The following SDK1 variants were observed in gnomAD, a reference collection of about 807,000 sequenced individuals.
The protein encoded by SDK1 is sidekick cell adhesion molecule 1.
Under a neutral mutation model 245.5 loss-of-function variants are expected in SDK1, and 157 were observed. The ratio of observed to expected loss-of-function variants is 0.64; its 90% CI spans 0.56 to 0.73. SDK1 has a LOEUF of 0.73. SDK1 is among the 30% of genes least tolerant of loss of function. The pLI, the probability that SDK1 is intolerant of heterozygous loss-of-function variation, is 0.00. For synonymous variants in SDK1, 1,647 were observed against 1,278.5 expected (o/e 1.29, Z -6.15); for missense variants, 3,583 against 3,002.3 (o/e 1.19, Z -4.52).
At chr7:4,198,882 C>T (rs571377932) in intron 35 of SDK1, among the ~76,000 whole-genome samples, 48 of 150,752 alleles carry the variant, frequency 3.2e-4, no homozygotes, top group Non-Finnish European at 4.9e-4. Flanking sequence ...GGCGTGATCT[C>T]GGCTCACTGC....
chr7:4,160,372 T>C (rs1781037938), intron 31 of SDK1, among the ~76,000 whole-genome samples: 2 of 152,132 alleles, frequency 1.3e-5, no homozygotes, highest in African/African-American at 4.8e-5. Flanking sequence ...AGGACCATTT[T>C]TGAAAAAAAT....
rs759940241 is a variant in SDK1 at position 3,330,706 on chromosome 7, C to T, written c.298+28822C>T. Among the ~76,000 whole-genome samples, 72 of 151,210 alleles carry T rather than the reference C, an allele frequency of 4.8e-4. No homozygotes were observed. The Admixed American group carries it at 4.8e-3, about 10-fold the overall frequency. On this transcript the variant is annotated intron_variant, in intron 1 of 44. Transcript: ENST00000404826. ...CCCAGTCTAGGGCTAGGCACGGTGACTCATGCCTGCAATCTCAACACTTTG... is the reference window on the plus strand; with the variant it reads ...CCCAGTCTAGGGCTAGGCACGGTGATTCATGCCTGCAATCTCAACACTTTG...
chr7:4,030,462 G>A (rs1030285585), intron 17 of SDK1, among the ~76,000 whole-genome samples: 2 of 152,188 alleles, frequency 1.3e-5, no homozygotes, highest in East Asian at 3.9e-4. Flanking sequence ...AGTTTTGCTG[G>A]TGGCAGTTGA....
intron 4 of SDK1, among the ~76,000 whole-genome samples, chr7:3,726,699 C>T (rs1035123631): frequency 6.6e-6 from 1 of 152,196 alleles, no homozygotes; most frequent in Non-Finnish European, 1.5e-5. Flanking sequence ...TGTGTTCTCT[C>T]ATATAATCGG....
chr7:4,109,181 C>CT (rs1310560271), intron 22 of SDK1, among the ~76,000 whole-genome samples: 1 of 152,140 alleles, frequency 6.6e-6, no homozygotes, highest in African/African-American at 2.4e-5. Context: ...GGGTCAGTGG[C>CT]TGGGGGCGGA....
intron 39 of SDK1, among the ~76,000 whole-genome samples, 191 bp downstream of exon 39, chr7:4,220,461 A>T (rs1785085110): frequency 6.6e-6 from 1 of 150,952 alleles, no homozygotes; most frequent in Non-Finnish European, 1.5e-5. Context: ...TTGCAGGTGG[A>T]CTTGTTACAT....
chr7:3,399,459 G>C (rs1778822326), intron 1 of SDK1, among the ~76,000 whole-genome samples: 1 of 152,016 alleles, frequency 6.6e-6, no homozygotes, highest in African/African-American at 2.4e-5. Flanking sequence ...TCCTTTTCCT[G>C]TGTATGGTCT....
chr7:3,590,886 G>C (rs539329188), intron 1 of SDK1, among the ~76,000 whole-genome samples: 9 of 150,834 alleles, frequency 6.0e-5, no homozygotes, highest in African/African-American at 1.9e-4. Context: ...AGGCTCAAGC[G>C]ATCCTCCTGC....
chr7:3,613,300 C>G (rs1239220598), intron 1 of SDK1, among the ~76,000 whole-genome samples: 1 of 152,100 alleles, frequency 6.6e-6, no homozygotes, highest in Non-Finnish European at 1.5e-5. Context: ...GTCATGGTCC[C>G]TTTCTAGATG....
chr7:3,427,317 G>A (rs955925490), intron 1 of SDK1, among the ~76,000 whole-genome samples: 2 of 152,058 alleles, frequency 1.3e-5, no homozygotes, highest in Admixed American at 6.6e-5. Flanking sequence ...TCAGGAGTTC[G>A]AGACCAGCCT....
chr7:3,720,482 C>G (rs896848412), intron 4 of SDK1, among the ~76,000 whole-genome samples: 3 of 152,122 alleles, frequency 2.0e-5, no homozygotes, highest in African/African-American at 7.2e-5. Flanking sequence ...TAAAGATATT[C>G]AACTTTACTA....
intron 8 of SDK1, among the ~76,000 whole-genome samples, chr7:3,961,068 C>G (rs1234274180): frequency 6.6e-6 from 1 of 152,170 alleles, no homozygotes; most frequent in Admixed American, 6.5e-5. Context: ...TTTTGCACGA[C>G]TTCTGCAGGG....
intron 17 of SDK1, among the ~76,000 whole-genome samples, chr7:4,017,750 T>G (rs1786531979): frequency 6.6e-6 from 1 of 152,226 alleles, no homozygotes; most frequent in Admixed American, 6.5e-5. Flanking sequence ...CACAGTTTTA[T>G]TTTTAACGAC....
At chr7:3,482,277 AC>A (rs1329401306) in intron 1 of SDK1, among the ~76,000 whole-genome samples, 1 of 152,182 alleles carries the variant, frequency 6.6e-6, no homozygotes, top group Non-Finnish European at 1.5e-5. Context: ...GCAAGAGAAG[AC>A]GGAATTGGCA....
chr7:3,917,367 T>C (rs375618695), intron 5 of SDK1, among the ~76,000 whole-genome samples: 7 of 152,150 alleles, frequency 4.6e-5, no homozygotes, highest in African/African-American at 1.4e-4. Context: ...GGTGTCCTCT[T>C]TGAGGGTTTC....
chr7:3,654,155 G>A (rs1343972192), intron 4 of SDK1, among the ~76,000 whole-genome samples: 5 of 152,092 alleles, frequency 3.3e-5, no homozygotes, highest in African/African-American at 7.2e-5. Context: ...GTGCCCCACC[G>A]TGCTTCTGTA....
intron 4 of SDK1, among the ~76,000 whole-genome samples, chr7:3,652,368 A>T (rs1323140856): frequency 6.6e-6 from 1 of 152,218 alleles, no homozygotes; most frequent in East Asian, 1.9e-4. Context: ...TGACCTGGAC[A>T]TGCACAGACA....
intron 5 of SDK1, among the ~76,000 whole-genome samples, chr7:3,903,072 A>G (rs1397744205): frequency 1.3e-5 from 2 of 152,068 alleles, no homozygotes; most frequent in Non-Finnish European, 1.5e-5. Context: ...AATCAATACC[A>G]CAGTGGGGTA....
chr7:3,591,857 T>A (rs1780885341), intron 1 of SDK1, among the ~76,000 whole-genome samples: 1 of 152,198 alleles, frequency 6.6e-6, no homozygotes, highest in South Asian at 2.1e-4. Context: ...TTCTCAAACT[T>A]TGAGTGCATA....
Sources: gnomAD v4.1 joint callset for allele counts (sites outside exome capture counted in the v4.1 genomes callset) on GRCh38, gnomAD v4.1.1 for gene constraint, MANE v1.5 for transcripts, NCBI Gene and HGNC (gene_info 2026-07-23, HGNC 2026-07-21) for gene names.